SBNO1: variants seen among roughly 807,000 people sequenced by gnomAD.
SBNO1 encodes strawberry notch homolog 1, also known as protein strawberry notch homolog 1.
Under a neutral mutation model 173.6 loss-of-function variants are expected in SBNO1, and 23 were observed. That is an observed-to-expected ratio of 0.13 (90% confidence interval 0.10 to 0.19). The LOEUF (loss-of-function observed/expected upper bound fraction) is 0.19, where lower values mean the gene tolerates loss of function less well. SBNO1 is among the 10% of genes least tolerant of loss of function. The pLI, the probability that SBNO1 is intolerant of heterozygous loss-of-function variation, is 1.00. For missense variants in SBNO1, 1,238 were observed against 1,671.2 expected (o/e 0.74, Z 4.52); for synonymous variants, 632 against 571.5 (o/e 1.11, Z -1.51).
At chr12:123,343,395 C>A (rs1361730368) in intron 4 of SBNO1, among the ~76,000 whole-genome samples, 1 of 152,110 alleles carries the variant, frequency 6.6e-6, no homozygotes, top group African/African-American at 2.4e-5. Context: ...CCCAAAGGGG[C>A]AACAACCACA....
rs1374565983 is a variant in SBNO1 at position 123,291,666 on chromosome 12, T to G, written c.*4242A>C. ...AAATACTTTTCTAAATGAAAAGTTT[T>G]CCATACTTTTCTTAAAAAAAAAAAA... is the stretch of plus-strand genomic sequence containing the variant. On this transcript the variant is annotated 3_prime_UTR_variant, in exon 32 of 32. Coordinates refer to ENST00000602398, the MANE Select transcript of SBNO1 (RefSeq NM_001167856.3). 1 of 138,348 alleles carries G rather than the reference T, an allele frequency of 7.2e-6. No homozygotes were observed. The highest frequency in any genetic ancestry group is 2.7e-5 in the African/African-American group (1 of 36,504). 8.6% of individuals were successfully genotyped at this position (138,348 alleles called of 1,614,324 possible).
chr12:123,313,591 T>C (rs1221764566), intron 24 of SBNO1, 29 bp downstream of exon 24: 1 of 1,135,948 alleles, frequency 8.8e-7, no homozygotes, highest in South Asian at 1.3e-5. Context: ...ATAATCATTG[T>C]CATTGTTATG....
chr12:123,353,937 G>A (rs1874152958), intron 1 of SBNO1, among the ~76,000 whole-genome samples: 1 of 152,020 alleles, frequency 6.6e-6, no homozygotes, highest in Non-Finnish European at 1.5e-5. Context: ...GCCCCTGCAG[G>A]CCACAGGATC....
chr12:123,313,800 A>T (rs1401167614), intron 23 of SBNO1, 81 bp from the exon 24 acceptor site: 2 of 809,522 alleles, frequency 2.5e-6, no homozygotes. Flanking sequence ...ATACTATAAA[A>T]ACTACTGGCT....
Position 123,311,128 on chromosome 12 carries a change from A to T in SBNO1, c.3222T>A (p.Asp1074Glu). 1 of 1,611,630 alleles carries T rather than the reference A, an allele frequency of 6.2e-7. No individual in the cohort carries two copies. Among genetic ancestry groups the T allele is most frequent in the Non-Finnish European group, 8.5e-7 (1 of 1,177,796 alleles). The change falls in exon 25 of 32, where the codon GAT becomes GAA. Residue 1074 changes from aspartate (D) to glutamate (E), a missense_variant and splice_region_variant. Asp to Glu is a conservative substitution (Grantham distance 45, BLOSUM62 2). Transcript: ENST00000602398. ...PPDYPGEFFK[D>E]VRQGLIGVGL... ...CAACGCCTATCAGTCCTTGTCGAACATCTGTAAGAACAGGATCAATTCTGA... is the reference window on the plus strand; with the variant it reads ...CAACGCCTATCAGTCCTTGTCGAACTTCTGTAAGAACAGGATCAATTCTGA...
intron 1 of SBNO1, 99 bp downstream of exon 1, chr12:123,364,602 C>G (rs1184382882): frequency 1.0e-6 from 1 of 974,642 alleles, no homozygotes; most frequent in Middle Eastern, 5.2e-4. Flanking sequence ...AGGTGGCTGT[C>G]CCCCCAGCCT....
chr12:123,317,297 T>C lies in SBNO1; in HGVS notation c.2859A>G (p.Arg953=). Reference sequence around the variant, plus strand: ...GAACTCTTCGCCTTTGATTTTTAGCTCTCCTATCTGCTTGTAATGAAATAC... The same window carrying C: ...GAACTCTTCGCCTTTGATTTTTAGCCCTCCTATCTGCTTGTAATGAAATAC... ...SSGISLQADR[R]AKNQRRRVHM... The change falls in exon 21 of 32, where the codon AGA becomes AGG. Residue 953 remains arginine (R), a synonymous_variant. Transcript: ENST00000602398. The C allele has an allele frequency of 6.2e-7, 1 of 1,613,934 alleles. No individual in the cohort carries two copies. The highest frequency in any genetic ancestry group is 8.5e-7 in the Non-Finnish European group (1 of 1,179,862).
rs1186889878 is a variant in SBNO1 at position 123,320,820 on chromosome 12, T to C, written c.2370A>G (p.Lys790=). ...AATCTGGATCTATACTTTTCTTCTT[T>C]TTTTTCTCTTTGTTTTTCTTGTGGT... is the stretch of plus-strand genomic sequence containing the variant. ...RKDHKKNKEK[K]KKKSIDPDSI... Residue 790 remains lysine, a synonymous_variant, in exon 18 of 32, where the codon AAA becomes AAG. Coordinates refer to ENST00000602398, the MANE Select transcript of SBNO1 (RefSeq NM_001167856.3). 4 of 1,598,370 alleles carry C rather than the reference T, an allele frequency of 2.5e-6. No homozygotes were observed. The highest frequency in any genetic ancestry group is 3.4e-6 in the Non-Finnish European group (4 of 1,174,470).
intron 9 of SBNO1, among the ~76,000 whole-genome samples, chr12:123,329,330 G>A (rs868041772): frequency 4.0e-5 from 6 of 151,878 alleles, no homozygotes; most frequent in Admixed American, 1.3e-4. Flanking sequence ...GCAGTGAGCC[G>A]AGATTGTGCC....
At chr12:123,361,039 A>G (rs1875096454) in intron 1 of SBNO1, among the ~76,000 whole-genome samples, 1 of 152,104 alleles carries the variant, frequency 6.6e-6, no homozygotes, top group Non-Finnish European at 1.5e-5. Flanking sequence ...AGATCAAGAG[A>G]TTGAAACAAT....
intron 23 of SBNO1, among the ~76,000 whole-genome samples, chr12:123,315,093 T>C (rs1869121622): frequency 6.6e-6 from 1 of 152,160 alleles, no homozygotes; most frequent in Non-Finnish European, 1.5e-5. Flanking sequence ...ATAAAAAACA[T>C]GAGAAAAATT....
intron 8 of SBNO1, 118 bp from the exon 9 acceptor site, chr12:123,330,627 A>C: frequency 1.9e-6 from 1 of 523,594 alleles, no homozygotes; most frequent in Non-Finnish European, 3.1e-6. Context: ...GAAAAAGAAA[A>C]TACACTTACT....
rs143013489 is a variant in SBNO1 at position 123,294,634 on chromosome 12, C to CAAAAAAA, written c.*1267_*1273dup. On this transcript the variant is annotated 3_prime_UTR_variant, in exon 32 of 32. Coordinates refer to ENST00000602398, the MANE Select transcript of SBNO1 (RefSeq NM_001167856.3). ...TTTTCAATAGTGCAACCTGTGGAAG[C>CAAAAAAA]AAAAAAAAAAAAAAAAAAAAAAAAA... The CAAAAAAA allele has an allele frequency of 9.9e-3, 595 of 60,104 alleles. 7 individuals carry two copies. Among genetic ancestry groups the CAAAAAAA allele is most frequent in the African/African-American group, 0.036 (442 of 12,344 alleles). 3.7% of individuals were successfully genotyped at this position (60,104 alleles called of 1,614,324 possible).
intron 10 of SBNO1, 49 bp from the exon 11 acceptor site, chr12:123,328,076 T>C (rs1434119766): frequency 6.9e-7 from 1 of 1,441,566 alleles, no homozygotes; most frequent in African/African-American, 1.4e-5. Flanking sequence ...TAAGTAAGAA[T>C]CTCCAGTCTT....
rs1156512995 is a variant in SBNO1 at position 123,336,392 on chromosome 12, T to C, written c.748+3A>G. ...AAATATCTGACAAATCCCGAAGACA[T>C]ACATTTTATTGGCATGTATTCTGCA... On this transcript the variant is annotated splice_donor_region_variant and intron_variant, in intron 6 of 31. Transcript: ENST00000602398. 5.2e-6 allele frequency: 8 copies of C among 1,535,494 alleles called. No homozygotes were observed. Among genetic ancestry groups the C allele is most frequent in the Admixed American group, 3.6e-5 (2 of 55,726 alleles).
rs201559021 is a variant in SBNO1 at position 123,313,252 on chromosome 12, A to ATAAT, written c.3220+364_3220+367dup. On this transcript the variant is annotated intron_variant, in intron 24 of 31. Transcript: ENST00000602398. ...AATAAATAAATAAATAAATAAATAA[A>ATAAT]TAATTTTTAAAAAAGACTCGGTCTT... Among the ~76,000 whole-genome samples, 77 of 143,934 alleles carry ATAAT rather than the reference A, an allele frequency of 5.3e-4. 1 individual carries two copies. Among genetic ancestry groups the ATAAT allele is most frequent in the African/African-American group, 1.1e-3 (41 of 38,828 alleles). The allele number at this position is 143,934 out of a possible 152,430, so 94.4% of individuals were successfully genotyped here. A position where few individuals can be genotyped will look rare whatever the true frequency, so the allele number is the denominator to read the frequency against.
Position 123,323,764 on chromosome 12 carries a change from G to A in SBNO1, c.2041C>T (p.Leu681=). The part of the protein sequence containing the change: ...APDRKKLYSL[L]GIDLTAPSNN... ...CTTGGAGCTGTCAAATCGATTCCTAGTAAACTATAAAGTTTTTTCCTGTCT... is the reference window on the plus strand; with the variant it reads ...CTTGGAGCTGTCAAATCGATTCCTAATAAACTATAAAGTTTTTTCCTGTCT... Residue 681 remains leucine, a synonymous_variant, in exon 16 of 32, where the codon CTA becomes TTA. Transcript: ENST00000602398. 1 of 1,612,968 alleles carries A rather than the reference G, an allele frequency of 6.2e-7. No individual in the cohort carries two copies. Among genetic ancestry groups the A allele is most frequent in the Non-Finnish European group, 8.5e-7 (1 of 1,179,496 alleles).
Position 123,289,593 on chromosome 12 carries a change from A to C in SBNO1, c.*6315T>G, listed in dbSNP as rs1447459852. 6.6e-6 allele frequency: 1 copy of C among 152,242 alleles called. No individual in the cohort carries two copies. Among genetic ancestry groups the C allele is most frequent in the African/African-American group, 2.4e-5 (1 of 41,454 alleles). The allele number at this position is 152,242 out of a possible 1,614,324, so 9.4% of individuals were successfully genotyped here. On this transcript the variant is annotated 3_prime_UTR_variant, in exon 32 of 32. Coordinates refer to ENST00000602398, the MANE Select transcript of SBNO1 (RefSeq NM_001167856.3). ...AGAACCATCTACACCTACATAGAAA[A>C]GTATCCTTTGCTCAGAGGAGGTAGA...
intron 28 of SBNO1, 109 bp from the exon 29 acceptor site, chr12:123,304,828 T>C (rs2048875386): frequency 2.7e-6 from 2 of 754,706 alleles, no homozygotes; most frequent in Middle Eastern, 4.0e-4. Context: ...TAACACTAAG[T>C]AAGTACACGG....
Sources: gnomAD v4.1 joint callset for allele counts (sites outside exome capture counted in the v4.1 genomes callset) on GRCh38, gnomAD v4.1.1 for gene constraint, MANE v1.5 for transcripts, NCBI Gene and HGNC (gene_info 2026-07-23, HGNC 2026-07-21) for gene names.